The following CBL variants were observed in gnomAD, a reference collection of about 807,000 sequenced individuals.
The protein encoded by CBL is E3 ubiquitin-protein ligase CBL.
Under a neutral mutation model 96.9 loss-of-function variants are expected in CBL, and 45 were observed. That is an observed-to-expected ratio of 0.46 (90% confidence interval 0.37 to 0.60). CBL has a LOEUF of 0.60. Among genes scored for constraint, CBL ranks in the 20% least tolerant of loss-of-function variants. CBL has a pLI of 0.00. For synonymous variants in CBL, 420 were observed against 426.8 expected (o/e 0.98, Z 0.20); for missense variants, 1,024 against 1,143.5 (o/e 0.90, Z 1.51).
Position 119,255,540 on chromosome 11 carries a change from T to C in CBL, c.444-16195T>C, listed in dbSNP as rs554449912. Among the ~76,000 whole-genome samples, 269 of 152,176 alleles carry C rather than the reference T, an allele frequency of 1.8e-3. 1 individual carries two copies. Among genetic ancestry groups the C allele is most frequent in the African/African-American group, 6.2e-3 (256 of 41,558 alleles). ...GTCTGTAATTATATATTTATAATTA[T>C]ATAAAAATACATATTTTACTATTTC... is the stretch of plus-strand genomic sequence containing the variant. On this transcript the variant is annotated intron_variant, in intron 2 of 15. Transcript: ENST00000264033.
At chr11:119,289,240 T>A (rs1041893142) in intron 12 of CBL, among the ~76,000 whole-genome samples, 1 of 152,340 alleles carries the variant, frequency 6.6e-6, no homozygotes, top group East Asian at 1.9e-4. Flanking sequence ...GAATCTTTTT[T>A]AAAATTTCTC....
intron 2 of CBL, among the ~76,000 whole-genome samples, chr11:119,243,660 A>G (rs184345414): frequency 6.6e-6 from 1 of 152,286 alleles, no homozygotes; most frequent in Non-Finnish European, 1.5e-5. Context: ...TGATACCAAA[A>G]TAACAACGGT....
intron 12 of CBL, among the ~76,000 whole-genome samples, chr11:119,292,738 A>C (rs949314926): frequency 3.3e-5 from 5 of 151,944 alleles, no homozygotes; most frequent in Non-Finnish European, 7.4e-5. Context: ...TTGATTTTTA[A>C]ATTTATTCAG....
At chr11:119,229,664 ATGT>A (rs1483457410) in intron 1 of CBL, among the ~76,000 whole-genome samples, 3 of 152,180 alleles carry the variant, frequency 2.0e-5, no homozygotes, top group Non-Finnish European at 2.9e-5. Flanking sequence ...AGTTCAAGAA[ATGT>A]TGTATTGAGA....
At chr11:119,245,079 C>T (rs1430569899) in intron 2 of CBL, among the ~76,000 whole-genome samples, 1 of 151,626 alleles carries the variant, frequency 6.6e-6, no homozygotes, top group Non-Finnish European at 1.5e-5. Context: ...ACTTTGTTGC[C>T]CAGGCTGGTC....
chr11:119,212,604 C>T (rs1406500814), intron 1 of CBL, among the ~76,000 whole-genome samples: 1 of 151,420 alleles, frequency 6.6e-6, no homozygotes, highest in Non-Finnish European at 1.5e-5. Context: ...CCAGCCTGGG[C>T]AAGAAGAGCA....
rs553814715 is a variant in CBL at position 119,206,765 on chromosome 11, G to C, written c.195+153G>C. ...GGGGTGACCGGCCGGGGGCGTGGGG[G>C]CAGGGACGAGGCCGGGAGGGTGGGG... On this transcript the variant is annotated intron_variant, in intron 1 of 15. Coordinates refer to ENST00000264033, the MANE Select transcript of CBL (RefSeq NM_005188.4). Among the ~76,000 whole-genome samples the C allele has an allele frequency of 5.2e-4, 78 of 150,642 alleles. 1 individual carries two copies. The East Asian group carries it at 0.012, about 24-fold the overall frequency.
chr11:119,209,603 T>C (rs7107776), intron 1 of CBL, among the ~76,000 whole-genome samples: 94,964 of 151,606 alleles, frequency 0.63, 31,223 homozygotes, highest in East Asian at 0.88. Flanking sequence ...AGCGACAGAG[T>C]GAGACTCCGT....
At chr11:119,274,243 C>T (rs1347217991) in intron 4 of CBL, among the ~76,000 whole-genome samples, 1 of 152,126 alleles carries the variant, frequency 6.6e-6, no homozygotes, top group African/African-American at 2.4e-5. Flanking sequence ...GCTATACCAA[C>T]TGCTTTCTTC....
chr11:119,285,253 C>A lies in CBL; in HGVS notation c.1628C>A (p.Pro543Gln), dbSNP rs1357842433. The change falls in exon 11 of 16, where the codon CCA (proline) becomes CAA (glutamine). Residue 543 changes from proline (P) to glutamine (Q), a missense_variant. Physicochemically the swap from Pro to Gln is moderately conservative, Grantham distance 76. This residue lies in a region of CBL where 695 missense variants were observed against 661.6 expected (regional missense o/e 1.05). Coordinates refer to ENST00000264033, the MANE Select transcript of CBL (RefSeq NM_005188.4). ...GTACCTCCCACACTTCGAGATCTTC[C>A]ACCACCACCGCCTCCAGACCGGCCA... ...LPVPPTLRDL[P>Q]PPPPPDRPYS... The A allele has an allele frequency of 6.2e-7, 1 of 1,614,162 alleles. No homozygotes were observed. The highest frequency in any genetic ancestry group is 8.5e-7 in the Non-Finnish European group (1 of 1,180,034).
chr11:119,259,742 G>A lies in CBL; in HGVS notation c.444-11993G>A, dbSNP rs567512219. ...ATTGGGTCTCAAAGAGATGGCATTA[G>A]TTTCTGCCTTAGGTGAGAACAACTA... On this transcript the variant is annotated intron_variant, in intron 2 of 15. Transcript: ENST00000264033. Among the ~76,000 whole-genome samples the A allele has an allele frequency of 2.6e-5, 4 of 152,248 alleles. No individual in the cohort carries two copies. In the South Asian group the frequency reaches 6.2e-4, roughly 24 times the overall value.
intron 2 of CBL, among the ~76,000 whole-genome samples, chr11:119,244,707 G>T (rs1048707141): frequency 1.3e-5 from 2 of 151,428 alleles, no homozygotes; most frequent in African/African-American, 2.4e-5. Flanking sequence ...TCAACCTCCC[G>T]AGTAGCTGAA....
At chr11:119,229,049 T>G (rs1401425138) in intron 1 of CBL, among the ~76,000 whole-genome samples, 1 of 152,084 alleles carries the variant, frequency 6.6e-6, no homozygotes, top group African/African-American at 2.4e-5. Context: ...CCTTTTCTCT[T>G]CTGGATCTTT....
intron 2 of CBL, among the ~76,000 whole-genome samples, chr11:119,236,622 T>TCCC (rs1949549058): frequency 1.4e-5 from 2 of 144,310 alleles, no homozygotes; most frequent in African/African-American, 5.1e-5. Flanking sequence ...TATATATATA[T>TCCC]ACCCATAGGA....
At chr11:119,287,291 CTT>C (rs1444818516) in intron 11 of CBL, among the ~76,000 whole-genome samples, 2 of 152,168 alleles carry the variant, frequency 1.3e-5, no homozygotes, top group Non-Finnish European at 2.9e-5. Context: ...AAAAACGAAA[CTT>C]TTACCTGGCT....
rs117726612 is a variant in CBL, at chr11:119,263,973, A to G, written c.444-7762A>G. On this transcript the variant is annotated intron_variant, in intron 2 of 15. Coordinates refer to ENST00000264033, the MANE Select transcript of CBL (RefSeq NM_005188.4). The stretch of plus-strand genomic sequence containing the variant: ...AGTGATCATGTTACCCTTCAGCAGT[A>G]TAATTATCATCATCTATATGAGTCT... Among the ~76,000 whole-genome samples, 486 of 152,364 alleles carry G rather than the reference A, an allele frequency of 3.2e-3. 2 individuals are homozygous for G. The highest frequency in any genetic ancestry group is 0.014 in the Middle Eastern group (4 of 294).
At chr11:119,279,385 C>A (rs1949915383) in intron 9 of CBL, among the ~76,000 whole-genome samples, 1 of 152,074 alleles carries the variant, frequency 6.6e-6, no homozygotes, top group South Asian at 2.1e-4. Flanking sequence ...GTGTTGTGCA[C>A]CTGTAGTTCT....
Position 119,274,849 on chromosome 11 carries a change from C to G in CBL, c.765C>G (p.Leu255=), listed in dbSNP as rs1470796335. 1 of 1,612,614 alleles carries G rather than the reference C, an allele frequency of 6.2e-7. No individual in the cohort carries two copies. Among genetic ancestry groups the G allele is most frequent in the Non-Finnish European group, 8.5e-7 (1 of 1,179,350 alleles). The change falls in exon 5 of 16, where the codon CTC becomes CTG. Residue 255 remains leucine (L), a synonymous_variant. Transcript: ENST00000264033. ...TTCTTTAGCCCTGGTCCTCTTTGCT[C>G]AGGAATTGGAACAGCCTTGCTGTAA... ...TRLFQPWSSL[L]RNWNSLAVTH...
intron 2 of CBL, among the ~76,000 whole-genome samples, chr11:119,233,218 T>C (rs549207349): frequency 1.3e-4 from 20 of 152,314 alleles, no homozygotes; most frequent in African/African-American, 4.8e-4. Context: ...TCAATAAATA[T>C]TTGAAGGATC....
Sources: gnomAD v4.1 joint callset for allele counts (sites outside exome capture counted in the v4.1 genomes callset) on GRCh38, gnomAD v4.1.1 for gene constraint, gnomAD v4.1.1 regional missense constraint, MANE v1.5 for transcripts, NCBI Gene and HGNC (gene_info 2026-07-23, HGNC 2026-07-21) for gene names.